PROSER3: variants seen among roughly 807,000 people sequenced by gnomAD.
PROSER3 encodes the protein proline and serine rich 3, also known as proline and serine-rich protein 3.
PROSER3 carries 33 observed loss-of-function variants against 50.2 expected under a neutral mutation model. The observed-to-expected ratio is 0.66, with a 90% confidence interval of 0.50 to 0.88. The LOEUF (loss-of-function observed/expected upper bound fraction) is 0.88. PROSER3 is among the 40% of genes least tolerant of loss of function. PROSER3 has a pLI of 0.00. For synonymous variants in PROSER3, 266 were observed against 259.3 expected, an observed-to-expected ratio of 1.03 and a Z score of -0.25; for missense variants, 623 against 612.7, an observed-to-expected ratio of 1.02 and a Z score of -0.18.
chr19:35,769,277 T>C (rs1235247686), downstream of PROSER3: 6 of 150,876 alleles, frequency 4.0e-5, no homozygotes, highest in Admixed American at 3.3e-4. Context: ...TTTCCAATCT[T>C]TCCCCCTAGG....
At chr19:35,758,529 C>T (rs900251897) in intron 1 of PROSER3, 3 of 367,228 alleles carry the variant, frequency 8.2e-6, no homozygotes, top group Non-Finnish European at 1.5e-5. Context: ...CCAGACACGC[C>T]TGGGCGTTGT....
chr19:35,767,708 C>T (rs1971201303), intron 8 of PROSER3: 5 of 1,449,446 alleles, frequency 3.4e-6, no homozygotes, highest in Non-Finnish European at 4.7e-6. Flanking sequence ...CTTCGAGGGC[C>T]CCCCTCCACC....
chr19:35,767,225 GC>G (rs1354346129), intron 8 of PROSER3: 2 of 413,142 alleles, frequency 4.8e-6, no homozygotes, highest in Non-Finnish European at 8.6e-6. Context: ...CATCTTTTGG[GC>G]CCCCAGCTCC....
At chr19:35,767,303 C>T in intron 8 of PROSER3, 2 of 297,832 alleles carry the variant, frequency 6.7e-6, no homozygotes, top group South Asian at 6.1e-5. Context: ...TCCCACGCAG[C>T]AGGCCTCCAC....
At position 35,759,092 on chromosome 19, in the gene PROSER3, G is replaced by A. The variant is rs147836920; in HGVS notation, c.12-282G>A. 6.0e-4 allele frequency: 213 copies of A among 354,338 alleles called. 4 individuals carry two copies. Among genetic ancestry groups the A allele is most frequent in the African/African-American group, 4.0e-3 (194 of 48,206 alleles). 21.9% of individuals were successfully genotyped at this position (354,338 alleles called of 1,614,324 possible). On this transcript the variant is annotated intron_variant, in intron 1 of 10. Transcript: ENST00000396908. ...TGTTGGTCTGGAATGGGAACCGCGCGCCTGTAACGTTGAAAAGCCCCTCCT... is the reference window on the plus strand; with the variant it reads ...TGTTGGTCTGGAATGGGAACCGCGCACCTGTAACGTTGAAAAGCCCCTCCT...
chr19:35,764,116 C>G (rs1377004570), intron 5 of PROSER3, among the ~76,000 whole-genome samples: 1 of 152,036 alleles, frequency 6.6e-6, no homozygotes, highest in Non-Finnish European at 1.5e-5. Context: ...GGGCTCAGTC[C>G]CAGGCGGGCT....
chr19:35,766,709 T>G (rs1446454433), intron 7 of PROSER3, 59 bp from the exon 8 acceptor site: 55 of 1,286,944 alleles, frequency 4.3e-5, no homozygotes, highest in Non-Finnish European at 5.9e-5. Context: ...CAGGCTGTCC[T>G]GGGGTTGCTG....
At chr19:35,761,872 T>C in intron 3 of PROSER3, 147 bp from the exon 4 acceptor site, 2 of 1,011,208 alleles carry the variant, frequency 2.0e-6, no homozygotes, top group Non-Finnish European at 2.7e-6. Context: ...AAAACAGTTA[T>C]GTGACTATAT....
exon 9 of PROSER3, chr19:35,767,936 G>A (rs568719461): frequency 1.2e-6 from 2 of 1,612,052 alleles, no homozygotes; most frequent in South Asian, 1.1e-5. Flanking sequence ...GGCAACCACA[G>A]TCAAGGCCTC....
intron 1 of PROSER3, chr19:35,758,645 T>C (rs1177328252): frequency 1.0e-5 from 2 of 195,110 alleles, no homozygotes; most frequent in Non-Finnish European, 1.0e-5. Flanking sequence ...TGCTCGGTGA[T>C]ATAATCCAGC....
intron 7 of PROSER3, among the ~76,000 whole-genome samples, 188 bp from the exon 8 acceptor site, chr19:35,766,580 C>T (rs1330210662): frequency 6.6e-6 from 1 of 151,986 alleles, no homozygotes; most frequent in Non-Finnish European, 1.5e-5. Flanking sequence ...TGGAGAAGAC[C>T]AGGAGTGCTC....
chr19:35,759,337 A>C, intron 1 of PROSER3, 37 bp from the exon 2 acceptor site: 1 of 1,580,112 alleles, frequency 6.3e-7, no homozygotes, highest in Non-Finnish European at 8.7e-7. Context: ...GCTGCGGCGA[A>C]ACCACGTGCT....
At position 35,758,234 on chromosome 19, in the gene PROSER3, C is replaced by A. The variant is rs550909936; in HGVS notation, c.11+8C>A. The A allele has an allele frequency of 1.9e-6, 3 of 1,562,220 alleles. No homozygotes were observed. Among genetic ancestry groups the A allele is most frequent in the Non-Finnish European group, 2.6e-6 (3 of 1,153,266 alleles). On this transcript the variant is annotated splice_region_variant and intron_variant, in intron 1 of 10. Transcript: ENST00000396908. Reference sequence around the variant, plus strand: ...CCGCGGGATGGACCGCAGGTGAGGCCGATCGCTCTTCCAGGGACTACAGGA... The same window carrying A: ...CCGCGGGATGGACCGCAGGTGAGGCAGATCGCTCTTCCAGGGACTACAGGA...
At chr19:35,761,383 A>G (rs1301557708) in intron 3 of PROSER3, among the ~76,000 whole-genome samples, 1 of 152,134 alleles carries the variant, frequency 6.6e-6, no homozygotes, top group Non-Finnish European at 1.5e-5. Context: ...TAAAAATACA[A>G]AAATTGGCAG....
chr19:35,758,346 C>T, intron 1 of PROSER3, 120 bp downstream of exon 1: 11 of 1,310,948 alleles, frequency 8.4e-6, no homozygotes, highest in Non-Finnish European at 1.1e-5. Flanking sequence ...CGCACTGGAA[C>T]TACAATTCCC....
chr19:35,766,172 G>A (rs563444468), intron 7 of PROSER3, among the ~76,000 whole-genome samples: 4 of 152,112 alleles, frequency 2.6e-5, no homozygotes, highest in Non-Finnish European at 5.9e-5. Flanking sequence ...TGTAGCGGGT[G>A]GGGGAGTGGG....
At chr19:35,768,040 C>T (rs1423106738) in exon 9 of PROSER3, 17 of 1,580,694 alleles carry the variant, frequency 1.1e-5, no homozygotes, top group East Asian at 2.3e-5. Context: ...TTGCCCAGGC[C>T]GCCCTGCTGC....
chr19:35,765,765 G>A (rs978805907), intron 7 of PROSER3, among the ~76,000 whole-genome samples: 8 of 151,992 alleles, frequency 5.3e-5, no homozygotes, highest in Non-Finnish European at 1.2e-4. Flanking sequence ...AAACTCCTGG[G>A]CTCAAGCGAT....
intron 7 of PROSER3, among the ~76,000 whole-genome samples, chr19:35,765,702 T>C (rs1971119471): frequency 6.6e-6 from 1 of 152,168 alleles, no homozygotes; most frequent in Non-Finnish European, 1.5e-5. Context: ...TAATTGTTTT[T>C]ATTTTTTTAT....
Sources: gnomAD v4.1 joint callset for allele counts (sites outside exome capture counted in the v4.1 genomes callset) on GRCh38, gnomAD v4.1.1 for gene constraint, MANE v1.5 for transcripts, NCBI Gene and HGNC (gene_info 2026-07-23, HGNC 2026-07-21) for gene names.